Variants in PTCD1 observed in about 807,000 individuals in gnomAD.
PTCD1 encodes pentatricopeptide repeat-containing protein 1, mitochondrial.
PTCD1 carries 50 observed loss-of-function variants against 53.4 expected under a neutral mutation model. The ratio of observed to expected loss-of-function variants is 0.94; its 90% CI spans 0.75 to 1.19. The LOEUF is 1.19. Ranked by LOEUF, PTCD1 falls within the 50% of genes most tolerant of loss-of-function variation. The pLI, the probability that PTCD1 is intolerant of heterozygous loss-of-function variation, is 0.00. For missense variants in PTCD1, 918 were observed against 904.8 expected (o/e 1.01, Z -0.19); for synonymous variants, 413 against 394.8 (o/e 1.05, Z -0.55).
intron 7 of PTCD1, 35 bp from the exon 8 acceptor site, chr7:99,420,184 G>A (rs1795735508): frequency 6.2e-7 from 1 of 1,613,224 alleles, no homozygotes; most frequent in African/African-American, 1.3e-5. Context: ...AATCACTCCT[G>A]TTACCTACAG....
chr7:99,423,935 G>C lies in PTCD1; in HGVS notation c.1760C>G (p.Thr587Ser). 6.2e-7 allele frequency: 1 copy of C among 1,614,186 alleles called. No individual in the cohort carries two copies. Among genetic ancestry groups the C allele is most frequent in the South Asian group, 1.1e-5 (1 of 91,090 alleles). Residue 587 changes from threonine to serine, a missense_variant, in exon 7 of 8, where the codon ACT becomes AGT. Transcript: ENST00000292478. ...GTTGATGAGGGCACTGTAGATGTGA[G>C]TGTTGGGGGTCACCTGGGACTTCTA... ...DMKKSQVTPNTHIYSALINAA... is the reference protein window; with the variant it reads ...DMKKSQVTPNSHIYSALINAA...
chr7:99,429,784 G>T lies in PTCD1; in HGVS notation c.617C>A (p.Pro206His), dbSNP rs748053563. ...CAGGGCCGTGTAGGTGGCGTCCGAG[G>T]GCTCCAGGTCCCGCTTTTTCATCTG... The part of the protein sequence containing the change: ...YNQMKKRDLE[P>H]SDATYTALFN... The change falls in exon 4 of 8, where the codon CCC (proline) becomes CAC (histidine). Residue 206 changes from proline to histidine, a missense_variant. Pro to His is a moderately conservative substitution (Grantham distance 77). Transcript: ENST00000292478. 6.2e-7 allele frequency: 1 copy of T among 1,614,140 alleles called. No individual in the cohort carries two copies. Among genetic ancestry groups the T allele is most frequent in the Non-Finnish European group, 8.5e-7 (1 of 1,180,040 alleles).
intron 7 of PTCD1, among the ~76,000 whole-genome samples, chr7:99,423,015 T>C (rs1232288560): frequency 4.6e-5 from 7 of 151,308 alleles, no homozygotes; most frequent in African/African-American, 1.7e-4. Flanking sequence ...TTTTTTTTTT[T>C]CACCACCACA....
At position 99,423,811 on chromosome 7, in the gene PTCD1, C is replaced by T; in HGVS notation, c.1884G>A (p.Leu628=). 1 of 1,614,140 alleles carries T rather than the reference C, an allele frequency of 6.2e-7. No homozygotes were observed. Among genetic ancestry groups the T allele is most frequent in the Non-Finnish European group, 8.5e-7 (1 of 1,180,028 alleles). ...VPVNEVVIRQ[L]EFAAQYPPTF... ...TGGGAGGGTACTGGGCTGCAAACTCCAGCTGGCGGATGACCACTTCGTTCA... is the reference window on the plus strand; with the variant it reads ...TGGGAGGGTACTGGGCTGCAAACTCTAGCTGGCGGATGACCACTTCGTTCA... Residue 628 remains leucine, a synonymous_variant, in exon 7 of 8, where the codon CTG becomes CTA. Transcript: ENST00000292478.
chr7:99,435,934 GAAA>G (rs529153885), intron 1 of PTCD1, among the ~76,000 whole-genome samples: 1 of 136,874 alleles, frequency 7.3e-6, no homozygotes, highest in African/African-American at 2.7e-5. Flanking sequence ...CTCTGTCTCA[GAAA>G]AAAAAAAAAA....
chr7:99,429,225 GTCC>G lies in PTCD1; in HGVS notation c.814-24_814-22del. On this transcript the variant is annotated intron_variant, in intron 4 of 7. Coordinates refer to ENST00000292478, the MANE Select transcript of PTCD1 (RefSeq NM_015545.4). ...ATTTCCTGGGGGAGGGAACAAAGAC[GTCC>G]CACTGAGAACCTGCAGCAGGCTGGG... 1.9e-6 allele frequency: 3 copies of G among 1,612,984 alleles called. No homozygotes were observed. The South Asian group carries it at 3.3e-5, about 18-fold the overall frequency.
At position 99,425,359 on chromosome 7, in the gene PTCD1, T is replaced by G; in HGVS notation, c.1173A>C (p.Glu391Asp). The change falls in exon 6 of 8, where the codon GAA (glutamate) becomes GAC (aspartate). Residue 391 changes from glutamate to aspartate, a missense_variant. Glu to Asp is a conservative substitution (Grantham distance 45). Transcript: ENST00000292478. ...VEALERQLFL[E>D]PSQALGPPEP... ...CTGGAGGCCCAAGTGCCTGAGAAGG[T>G]TCCAGAAACAGCTGCCTCTCCAGGG... 6.2e-7 allele frequency: 1 copy of G among 1,614,106 alleles called. No individual in the cohort carries two copies. Among genetic ancestry groups the G allele is most frequent in the Non-Finnish European group, 8.5e-7 (1 of 1,180,008 alleles).
At position 99,433,073 on chromosome 7, in the gene PTCD1, G is replaced by C; in HGVS notation, c.594+205C>G. ...TTGAAGGGAAAAGAAAGGGAACATG[G>C]GGACCGCCACAGTCCAGGCAGGTGC... On this transcript the variant is annotated intron_variant, in intron 3 of 7. Transcript: ENST00000292478. 9 of 712,672 alleles carry C rather than the reference G, an allele frequency of 1.3e-5. No homozygotes were observed. The South Asian group carries it at 1.4e-4, about 11-fold the overall frequency. The allele number at this position is 712,672 out of a possible 1,614,324, so 44.1% of individuals were successfully genotyped here.
chr7:99,435,340 T>G, intron 1 of PTCD1, 72 bp from the exon 2 acceptor site: 2 of 1,569,036 alleles, frequency 1.3e-6, no homozygotes, highest in Middle Eastern at 3.5e-4. Context: ...AAAGAAGTGG[T>G]TACAAGTATG....
At position 99,418,577 on chromosome 7, in the gene PTCD1, T is replaced by TG. The variant is rs1310726798; in HGVS notation, c.*1389dup. 2 of 152,772 alleles carry TG rather than the reference T, an allele frequency of 1.3e-5. No homozygotes were observed. The highest frequency in any genetic ancestry group is 2.9e-5 in the Non-Finnish European group (2 of 68,538). 9.5% of individuals were successfully genotyped at this position (152,772 alleles called of 1,614,324 possible). On this transcript the variant is annotated 3_prime_UTR_variant, in exon 8 of 8. Coordinates refer to ENST00000292478, the MANE Select transcript of PTCD1 (RefSeq NM_015545.4). ...GAGCTGTGGCTGGATGCTGAGGACT[T>TG]GGGTACTGAGCAGTGGGGGCGAGCA...
At position 99,438,765 on chromosome 7, in the gene PTCD1, G is replaced by A; in HGVS notation, c.-100C>T. On this transcript the variant is annotated 5_prime_UTR_variant, in exon 1 of 8. Transcript: ENST00000292478. ...CCGCGGCGAACCAGTCTCTTCCTCG[G>A]GTCCCCCTCTCCCCAAGCGCGCAGG... 2.2e-6 allele frequency: 3 copies of A among 1,349,152 alleles called. No homozygotes were observed. The highest frequency in any genetic ancestry group is 2.9e-6 in the Non-Finnish European group (3 of 1,028,954). The allele number at this position is 1,349,152 out of a possible 1,614,324, so 83.6% of individuals were successfully genotyped here. A position where few individuals can be genotyped will look rare whatever the true frequency, so the allele number is the denominator to read the frequency against.
chr7:99,425,921 T>C (rs1198726968), intron 5 of PTCD1, among the ~76,000 whole-genome samples: 2 of 152,074 alleles, frequency 1.3e-5, no homozygotes, highest in Non-Finnish European at 2.9e-5. Flanking sequence ...ACAAAAATTA[T>C]TGGGTGTGGT....
chr7:99,434,631 G>A (rs564913357), intron 2 of PTCD1, among the ~76,000 whole-genome samples, 159 bp downstream of exon 2: 1 of 151,856 alleles, frequency 6.6e-6, no homozygotes, highest in South Asian at 2.1e-4. Context: ...AACTGCGGTG[G>A]AGGATGGCAA....
In PTCD1 at chr7:99,424,995, C is replaced by T. The variant is rs1795961853; in HGVS notation, c.1537G>A (p.Glu513Lys). The change falls in exon 6 of 8, where the codon GAG becomes AAG. Residue 513 changes from glutamate (E) to lysine (K), a missense_variant. Coordinates refer to ENST00000292478, the MANE Select transcript of PTCD1 (RefSeq NM_015545.4). ...AESLLLALLD[E>K]HQVEADLTFF... ...GTCAGGTCGGCCTCTACCTGGTGCT[C>T]ATCCAGGAGGGCCAGCAGCAAGGAC... 1.2e-6 allele frequency: 2 copies of T among 1,614,256 alleles called. No homozygotes were observed. The highest frequency in any genetic ancestry group is 1.3e-5 in the African/African-American group (1 of 75,068).
In PTCD1 at chr7:99,435,260, C is replaced by G. The variant is rs1796414522; in HGVS notation, c.-18G>C. On this transcript the variant is annotated 5_prime_UTR_variant, in exon 2 of 8. Transcript: ENST00000292478. ...AAGTCCATTTCTGGCTTTCCTGTCCCTCCAGGGCCTGGAATATATCAGGAA... is the reference window on the plus strand; with the variant it reads ...AAGTCCATTTCTGGCTTTCCTGTCCGTCCAGGGCCTGGAATATATCAGGAA... 4 of 1,600,624 alleles carry G rather than the reference C, an allele frequency of 2.5e-6. No homozygotes were observed. Among genetic ancestry groups the G allele is most frequent in the Non-Finnish European group, 3.4e-6 (4 of 1,179,972 alleles).
In PTCD1 at chr7:99,420,127, A is replaced by G; in HGVS notation, c.1943T>C (p.Leu648Pro). 1.9e-6 allele frequency: 3 copies of G among 1,614,178 alleles called. No individual in the cohort carries two copies. The highest frequency in any genetic ancestry group is 2.5e-6 in the Non-Finnish European group (3 of 1,180,022). Residue 648 changes from leucine (L) to proline (P), a missense_variant, in exon 8 of 8, where the codon CTG becomes CCG. Physicochemically the swap from Leu to Pro is moderately conservative, Grantham distance 98. Coordinates refer to ENST00000292478, the MANE Select transcript of PTCD1 (RefSeq NM_015545.4). ...FDRYQGKNTY[L>P]EKIDGFRAYY... is the part of the protein sequence containing the mutation. ...GGCTCGGAAGCCGTCAATCTTCTCC[A>G]GGTAGGTGTTCTTCCCTTGGTACTA... is the stretch of plus-strand genomic sequence containing the variant.
intron 6 of PTCD1, among the ~76,000 whole-genome samples, chr7:99,424,507 T>C (rs990901971): frequency 6.6e-6 from 1 of 152,186 alleles, no homozygotes; most frequent in African/African-American, 2.4e-5. Context: ...GCCATACCTC[T>C]AGAGTGTTGG....
chr7:99,417,248 T>C lies in PTCD1; in HGVS notation c.*2719A>G, dbSNP rs1157868085. 5.3e-6 allele frequency: 3 copies of C among 561,324 alleles called. No individual in the cohort carries two copies. The highest frequency in any genetic ancestry group is 9.5e-6 in the Non-Finnish European group (3 of 316,240). 34.8% of individuals were successfully genotyped at this position (561,324 alleles called of 1,614,324 possible). A position where few individuals can be genotyped will look rare whatever the true frequency, so the allele number is the denominator to read the frequency against. ...TTGTATTTTTAGTAGAGACGGGGTT[T>C]TACCATGTTGGCCGGGCTGGTCCTG... On this transcript the variant is annotated 3_prime_UTR_variant, in exon 8 of 8. Coordinates refer to ENST00000292478, the MANE Select transcript of PTCD1 (RefSeq NM_015545.4).
Position 99,419,451 on chromosome 7 carries a change from G to A in PTCD1, c.*516C>T, listed in dbSNP as rs563436821. On this transcript the variant is annotated 3_prime_UTR_variant, in exon 8 of 8. Coordinates refer to ENST00000292478, the MANE Select transcript of PTCD1 (RefSeq NM_015545.4). ...TGGCTGCTCTGGCTGAGGCTGGCGC[G>A]CTCCACCCTGGACTCTGGACTTCGC... is the stretch of plus-strand genomic sequence containing the variant. 56 of 1,610,154 alleles carry A rather than the reference G, an allele frequency of 3.5e-5. No homozygotes were observed. The highest frequency in any genetic ancestry group is 4.2e-5 in the Non-Finnish European group (49 of 1,179,978).
Sources: allele counts gnomAD v4.1 joint callset (sites outside exome capture counted in the v4.1 genomes callset), GRCh38; gene constraint gnomAD v4.1.1; transcripts MANE v1.5; gene names NCBI Gene and HGNC (gene_info 2026-07-23, HGNC 2026-07-21).